Variants in CLSTN2 observed in about 807,000 individuals in gnomAD.
CLSTN2 encodes calsyntenin 2.
In CLSTN2, 48 loss-of-function variants were observed where a neutral mutation model predicts 101.2. That is an observed-to-expected ratio of 0.47 (90% CI 0.38 to 0.60). The LOEUF is 0.60. Among genes scored for constraint, CLSTN2 ranks in the 20% least tolerant of loss-of-function variants. CLSTN2 has a pLI of 0.00. For missense variants in CLSTN2, 1,160 were observed against 1,238.2 expected, an observed-to-expected ratio of 0.94 and a Z score of 0.95; for synonymous variants, 481 against 463.6, an observed-to-expected ratio of 1.04 and a Z score of -0.48.
intron 8 of CLSTN2, among the ~76,000 whole-genome samples, chr3:140,515,883 G>T (rs1039671454): frequency 1.3e-5 from 2 of 151,702 alleles, no homozygotes; most frequent in African/African-American, 2.4e-5. Context: ...TAAGTAAGTT[G>T]TTTCTTTGTT....
chr3:139,999,446 G>A lies in CLSTN2; in HGVS notation c.109+63963G>A, dbSNP rs542713255. ...AACCTGGGAATGGGGAACTGATCCA[G>A]CATCCCATACCTGCCTGCCTCATAC... On this transcript the variant is annotated intron_variant, in intron 1 of 16. Transcript: ENST00000458420. Among the ~76,000 whole-genome samples, 379 of 152,000 alleles carry A rather than the reference G, an allele frequency of 2.5e-3. 5 individuals carry two copies. The highest frequency in any genetic ancestry group is 8.0e-3 in the African/African-American group (332 of 41,430).
intron 2 of CLSTN2, among the ~76,000 whole-genome samples, chr3:140,248,648 G>A (rs1049780988): frequency 7.2e-5 from 11 of 152,184 alleles, no homozygotes; most frequent in South Asian, 2.1e-4. Context: ...ATCCACAGGC[G>A]TGGAGGCCTG....
intron 2 of CLSTN2, among the ~76,000 whole-genome samples, chr3:140,299,164 T>G (rs150534514): frequency 2.1e-3 from 319 of 152,262 alleles, no homozygotes; most frequent in African/African-American, 7.4e-3. Flanking sequence ...GACACAACTT[T>G]CAATTATTAT....
At chr3:140,138,684 C>T (rs911237016) in intron 1 of CLSTN2, among the ~76,000 whole-genome samples, 1 of 152,272 alleles carries the variant, frequency 6.6e-6, no homozygotes, top group African/African-American at 2.4e-5. Context: ...ATTTTTCATG[C>T]CTGAGTTACC....
chr3:140,404,529 C>T (rs369597834), intron 3 of CLSTN2, 29 bp from the exon 4 acceptor site: 11 of 1,605,758 alleles, frequency 6.9e-6, no homozygotes, highest in African/African-American at 2.7e-5. Context: ...TCTTTACCAC[C>T]ATCCCTTCCT....
At chr3:140,404,469 G>A (rs2088280623) in intron 3 of CLSTN2, 89 bp from the exon 4 acceptor site, 2 of 1,184,592 alleles carry the variant, frequency 1.7e-6, no homozygotes, top group Non-Finnish European at 1.2e-6. Context: ...ACTTGGCCTT[G>A]GGACCTCAGT....
chr3:140,028,293 C>T (rs1172375580), intron 1 of CLSTN2, among the ~76,000 whole-genome samples: 1 of 152,144 alleles, frequency 6.6e-6, no homozygotes, highest in Admixed American at 6.5e-5. Flanking sequence ...AAGAGGGGCA[C>T]TCAGACACTC....
intron 1 of CLSTN2, among the ~76,000 whole-genome samples, chr3:140,045,835 A>G (rs1339736040): frequency 2.0e-5 from 3 of 152,162 alleles, no homozygotes; most frequent in Non-Finnish European, 2.9e-5. Flanking sequence ...GTTTTGAGTG[A>G]GTTTCTTAAT....
chr3:140,232,388 C>T (rs2086378454), intron 2 of CLSTN2, among the ~76,000 whole-genome samples: 1 of 152,154 alleles, frequency 6.6e-6, no homozygotes, highest in Non-Finnish European at 1.5e-5. Flanking sequence ...TCATTCCCTC[C>T]TCATGGGTGC....
intron 2 of CLSTN2, among the ~76,000 whole-genome samples, chr3:140,228,000 T>G (rs972585443): frequency 1.3e-5 from 2 of 152,228 alleles, no homozygotes; most frequent in African/African-American, 4.8e-5. Flanking sequence ...GTCTCTGACA[T>G]GCCCTGGAGA....
chr3:140,573,188 G>A lies in CLSTN2; in HGVS notation c.*6935G>A, dbSNP rs1409234384. The A allele has an allele frequency of 1.3e-5, 2 of 152,284 alleles. No homozygotes were observed. The highest frequency in any genetic ancestry group is 4.8e-5 in the African/African-American group (2 of 41,462). The allele number at this position is 152,284 out of a possible 1,614,324, so 9.4% of individuals were successfully genotyped here. Reference sequence around the variant, plus strand: ...TGCTTTCTACACAGCCTGTATGCTGGTGGAGACACCCAGGGCCTGGCAGAG... The same window carrying A: ...TGCTTTCTACACAGCCTGTATGCTGATGGAGACACCCAGGGCCTGGCAGAG... On this transcript the variant is annotated 3_prime_UTR_variant, in exon 17 of 17. Transcript: ENST00000458420.
intron 1 of CLSTN2, among the ~76,000 whole-genome samples, chr3:140,156,428 T>C (rs2009955039): frequency 6.6e-6 from 1 of 152,230 alleles, no homozygotes; most frequent in African/African-American, 2.4e-5. Flanking sequence ...AATTGATGAA[T>C]GGTATTTGCC....
chr3:140,169,599 G>T (rs1000416547), intron 1 of CLSTN2, among the ~76,000 whole-genome samples: 1 of 152,006 alleles, frequency 6.6e-6, no homozygotes, highest in Non-Finnish European at 1.5e-5. Flanking sequence ...TTAGCTATAG[G>T]TTTTTGTAAA....
At chr3:140,481,849 C>G (rs918044103) in intron 8 of CLSTN2, among the ~76,000 whole-genome samples, 5 of 152,210 alleles carry the variant, frequency 3.3e-5, no homozygotes, top group African/African-American at 1.2e-4. Context: ...AGATTTTGGG[C>G]TGAGACGATG....
chr3:140,559,569 G>T (rs1935869421), intron 12 of CLSTN2, among the ~76,000 whole-genome samples: 1 of 144,552 alleles, frequency 6.9e-6, no homozygotes, highest in African/African-American at 2.5e-5. Flanking sequence ...CAGGGGGGCG[G>T]GGAAGGGAAA....
intron 1 of CLSTN2, among the ~76,000 whole-genome samples, chr3:140,111,043 C>G (rs1268308557): frequency 6.6e-6 from 1 of 152,202 alleles, no homozygotes; most frequent in East Asian, 1.9e-4. Context: ...GGAGAAGAAG[C>G]TGCACATCCA....
chr3:140,296,333 G>T (rs2087002950), intron 2 of CLSTN2, among the ~76,000 whole-genome samples: 1 of 152,082 alleles, frequency 6.6e-6, no homozygotes, highest in Non-Finnish European at 1.5e-5. Context: ...GACAGATACT[G>T]GCAAATGGCT....
intron 8 of CLSTN2, among the ~76,000 whole-genome samples, chr3:140,493,865 T>G (rs951626801): frequency 6.6e-6 from 1 of 152,192 alleles, no homozygotes; most frequent in Non-Finnish European, 1.5e-5. Flanking sequence ...CTACTCTTAC[T>G]AGGGCATATC....
At chr3:140,079,770 A>G (rs1427928447) in intron 1 of CLSTN2, among the ~76,000 whole-genome samples, 3 of 151,606 alleles carry the variant, frequency 2.0e-5, no homozygotes, top group Non-Finnish European at 4.4e-5. Flanking sequence ...AAGAAAGAAA[A>G]AAAAGAAAGA....
Sources: gnomAD v4.1 joint callset for allele counts (sites outside exome capture counted in the v4.1 genomes callset) on GRCh38, gnomAD v4.1.1 for gene constraint, MANE v1.5 for transcripts, NCBI Gene and HGNC (gene_info 2026-07-23, HGNC 2026-07-21) for gene names.